The following GUCA1C variants were observed in gnomAD, a reference collection of about 807,000 sequenced individuals.
GUCA1C encodes guanylyl cyclase-activating protein 3.
Under a neutral mutation model 16.2 loss-of-function variants are expected in GUCA1C, and 15 were observed. The ratio of observed to expected loss-of-function variants is 0.93; its 90% CI spans 0.62 to 1.43. The LOEUF (loss-of-function observed/expected upper bound fraction) is 1.43. Among genes scored for constraint, GUCA1C ranks in the 40% most tolerant of loss-of-function variants. The pLI is 0.00. For synonymous variants in GUCA1C, 78 were observed against 85.4 expected, an observed-to-expected ratio of 0.91 and a Z score of 0.48; for missense variants, 275 against 244.8, an observed-to-expected ratio of 1.12 and a Z score of -0.82.
At chr3:108,917,420 T>A (rs1021872648) in intron 2 of GUCA1C, among the ~76,000 whole-genome samples, 4 of 152,006 alleles carry the variant, frequency 2.6e-5, no homozygotes, top group Non-Finnish European at 5.9e-5. Context: ...AGTCCTCAGC[T>A]TGCTCCGTTT....
chr3:108,933,991 T>C (rs769006940), intron 1 of GUCA1C, among the ~76,000 whole-genome samples: 1 of 152,196 alleles, frequency 6.6e-6, no homozygotes, highest in Non-Finnish European at 1.5e-5. Context: ...CATGGAATAC[T>C]ATACAGCCAT....
intron 1 of GUCA1C, among the ~76,000 whole-genome samples, chr3:108,945,024 T>C (rs1946829965): frequency 6.6e-6 from 1 of 152,248 alleles, no homozygotes. Context: ...CCTCAGCCTC[T>C]GCATGGATGT....
chr3:108,935,059 C>T (rs956613602), intron 1 of GUCA1C, among the ~76,000 whole-genome samples: 4 of 151,904 alleles, frequency 2.6e-5, no homozygotes, highest in Non-Finnish European at 4.4e-5. Flanking sequence ...GTGATCCGCC[C>T]GCCTCGGCCT....
In GUCA1C at chr3:108,941,989, C is replaced by T. The variant is rs181069408; in HGVS notation, c.204+11570G>A. On this transcript the variant is annotated intron_variant, in intron 1 of 3. Coordinates refer to ENST00000261047, the MANE Select transcript of GUCA1C (RefSeq NM_005459.4). ...CCCAAATGCCATCTCCCTCTTCCCT[C>T]CTGCTCTAATTAGAGCTGTTTTTTC... is the stretch of plus-strand genomic sequence containing the variant. Among the ~76,000 whole-genome samples, 428 of 152,290 alleles carry T rather than the reference C, an allele frequency of 2.8e-3. 3 individuals carry two copies. The highest frequency in any genetic ancestry group is 4.8e-3 in the Non-Finnish European group (326 of 68,028).
chr3:108,943,763 AT>A (rs1441740103), intron 1 of GUCA1C, among the ~76,000 whole-genome samples: 1 of 152,142 alleles, frequency 6.6e-6, no homozygotes, highest in Non-Finnish European at 1.5e-5. Flanking sequence ...TTAGTCTGTT[AT>A]CCCTCACGCC....
chr3:108,908,277 A>C, intron 3 of GUCA1C, 68 bp from the exon 4 acceptor site: 21 of 883,000 alleles, frequency 2.4e-5, no homozygotes, highest in Non-Finnish European at 3.6e-5. Context: ...TGATATACTC[A>C]CTGGTATGTT....
chr3:108,915,476 C>A (rs1175866366), intron 3 of GUCA1C, among the ~76,000 whole-genome samples: 1 of 152,180 alleles, frequency 6.6e-6, no homozygotes. Context: ...GCACTCATTT[C>A]TCTTGGGCTG....
chr3:108,948,870 T>C (rs1946869536), intron 1 of GUCA1C, among the ~76,000 whole-genome samples: 1 of 150,342 alleles, frequency 6.7e-6, no homozygotes, highest in South Asian at 2.1e-4. Flanking sequence ...TTTCCTGAGA[T>C]GGAGTCTCAC....
intron 1 of GUCA1C, among the ~76,000 whole-genome samples, chr3:108,948,495 C>A (rs1946865769): frequency 1.3e-5 from 2 of 152,070 alleles, no homozygotes; most frequent in African/African-American, 4.8e-5. Context: ...TGAGAACAGA[C>A]TAATAAACCC....
At chr3:108,949,194 T>A (rs1946873607) in intron 1 of GUCA1C, among the ~76,000 whole-genome samples, 1 of 152,126 alleles carries the variant, frequency 6.6e-6, no homozygotes, top group Non-Finnish European at 1.5e-5. Flanking sequence ...TCTGGCCCCT[T>A]TTTCTGTGAG....
intron 1 of GUCA1C, among the ~76,000 whole-genome samples, chr3:108,936,711 C>T (rs35151411): frequency 0.052 from 7,962 of 152,190 alleles, 331 homozygotes; most frequent in Middle Eastern, 0.12. Flanking sequence ...TGGTAGTAGA[C>T]AGAATTGTAT....
intron 3 of GUCA1C, among the ~76,000 whole-genome samples, chr3:108,910,525 C>T (rs935443672): frequency 4.6e-5 from 7 of 151,474 alleles, no homozygotes; most frequent in African/African-American, 1.7e-4. Flanking sequence ...ATTCTACCAG[C>T]AAAAAGCCAA....
At chr3:108,926,316 C>T (rs997406678) in intron 1 of GUCA1C, among the ~76,000 whole-genome samples, 2 of 152,076 alleles carry the variant, frequency 1.3e-5, no homozygotes, top group Non-Finnish European at 2.9e-5. Context: ...TTATGTGAGT[C>T]CTTATTTGTT....
intron 1 of GUCA1C, among the ~76,000 whole-genome samples, chr3:108,943,238 G>C (rs190916576): frequency 9.1e-4 from 139 of 152,094 alleles, no homozygotes; most frequent in African/African-American, 3.2e-3. Flanking sequence ...GAGGGGGAGT[G>C]GGGGCGCTGA....
intron 3 of GUCA1C, among the ~76,000 whole-genome samples, chr3:108,909,133 C>A (rs1946422275): frequency 6.6e-6 from 1 of 152,116 alleles, no homozygotes; most frequent in Admixed American, 6.5e-5. Context: ...TCTAAAATAC[C>A]ACAATATTGA....
At chr3:108,928,243 T>G (rs1039431974) in intron 1 of GUCA1C, among the ~76,000 whole-genome samples, 1 of 152,234 alleles carries the variant, frequency 6.6e-6, no homozygotes, top group African/African-American at 2.4e-5. Context: ...TCCATCCATC[T>G]GAGCAGGAGC....
chr3:108,937,804 G>A (rs1042498770), intron 1 of GUCA1C, among the ~76,000 whole-genome samples: 1 of 152,172 alleles, frequency 6.6e-6, no homozygotes, highest in African/African-American at 2.4e-5. Flanking sequence ...GGAACGCGGT[G>A]GCTCAAGCCT....
intron 1 of GUCA1C, among the ~76,000 whole-genome samples, chr3:108,946,865 TG>T (rs1286215226): frequency 6.7e-6 from 1 of 148,942 alleles, no homozygotes; most frequent in East Asian, 2.0e-4. Flanking sequence ...GCACCTTGTT[TG>T]GATCCTAGCT....
chr3:108,911,355 A>C (rs1946450851), intron 3 of GUCA1C, among the ~76,000 whole-genome samples: 1 of 152,230 alleles, frequency 6.6e-6, no homozygotes, highest in Non-Finnish European at 1.5e-5. Context: ...GGTCTAAAGA[A>C]GTCATCCTGG....
Sources: allele counts gnomAD v4.1 joint callset (sites outside exome capture counted in the v4.1 genomes callset), GRCh38; gene constraint gnomAD v4.1.1; transcripts MANE v1.5; gene names NCBI Gene and HGNC (gene_info 2026-07-23, HGNC 2026-07-21).